METTL21A: variants seen among roughly 807,000 people sequenced by gnomAD.
METTL21A encodes protein N-lysine methyltransferase METTL21A.
Under a neutral mutation model 20.9 loss-of-function variants are expected in METTL21A, and 22 were observed. That is an observed-to-expected ratio of 1.05 (90% confidence interval 0.75 to 1.50). METTL21A has a LOEUF of 1.50. Among genes scored for constraint, METTL21A ranks in the 40% most tolerant of loss-of-function variants. METTL21A has a pLI of 0.00. For missense variants in METTL21A, 271 were observed against 266.8 expected (o/e 1.02, Z -0.11); for synonymous variants, 93 against 102.0 (o/e 0.91, Z 0.53).
intron 3 of METTL21A, 51 bp downstream of exon 3, chr2:207,621,755 T>C: frequency 6.8e-7 from 1 of 1,480,602 alleles, no homozygotes. Context: ...AAACAGCAAA[T>C]GCACCTCTCA....
chr2:207,616,838 C>G (rs1316448832), intron 3 of METTL21A, among the ~76,000 whole-genome samples: 1 of 152,182 alleles, frequency 6.6e-6, no homozygotes, highest in Non-Finnish European at 1.5e-5. Context: ...GCGAAACTCC[C>G]ATCTCAAAAG....
At chr2:207,621,999 C>T (rs575640264) in intron 2 of METTL21A, 82 bp from the exon 3 acceptor site, 1 of 1,157,042 alleles carries the variant, frequency 8.6e-7, no homozygotes, top group African/African-American at 1.5e-5. Context: ...CTACACCCAC[C>T]CCTCTCCCAC....
At chr2:207,582,026 G>A (rs2083026734) in exon 4 of METTL21A, 2 of 698,870 alleles carry the variant, frequency 2.9e-6, no homozygotes, top group Admixed American at 2.0e-5. Flanking sequence ...CATCACATCC[G>A]GGAGCACATA....
exon 4 of METTL21A, chr2:207,581,793 C>A: frequency 1.4e-6 from 1 of 692,676 alleles, no homozygotes; most frequent in Non-Finnish European, 2.6e-6. Context: ...TTTTTACTTA[C>A]ATAATCCAGT....
downstream of METTL21A, among the ~76,000 whole-genome samples, chr2:207,604,829 C>T (rs1045448254): frequency 2.6e-5 from 4 of 152,228 alleles, no homozygotes. Flanking sequence ...GAGACTCATA[C>T]ACTGTGTATT....
downstream of METTL21A, chr2:207,580,819 T>G (rs2082873735): frequency 9.0e-6 from 2 of 222,466 alleles, no homozygotes; most frequent in Non-Finnish European, 1.8e-5. Context: ...GTGGCTCTCC[T>G]TCATGTGCCC....
chr2:207,599,476 T>G (rs1025805532), intron 3 of METTL21A: 2 of 196,494 alleles, frequency 1.0e-5, no homozygotes, highest in Non-Finnish European at 2.1e-5. Flanking sequence ...TCTTAGTCCC[T>G]GATAAATCAA....
At chr2:207,597,115 C>G in intron 3 of METTL21A, 1 of 1,496,874 alleles carries the variant, frequency 6.7e-7, no homozygotes, top group Non-Finnish European at 8.9e-7. Flanking sequence ...TGGCCACAAC[C>G]TGAAAGACAA....
exon 4 of METTL21A, chr2:207,613,427 G>C (rs141776776): frequency 1.3e-6 from 2 of 1,595,952 alleles, no homozygotes; most frequent in African/African-American, 2.7e-5. Context: ...TTCGATCCGT[G>C]ATAGTCACAT....
chr2:207,599,739 GA>G (rs1342160327), intron 3 of METTL21A: 2 of 195,492 alleles, frequency 1.0e-5, no homozygotes, highest in African/African-American at 4.6e-5. Context: ...TTGTAAGCAT[GA>G]AACTTTGAGA....
intron 3 of METTL21A, chr2:207,597,426 A>C: frequency 4.1e-6 from 1 of 246,246 alleles, no homozygotes; most frequent in East Asian, 6.4e-5. Flanking sequence ...TGATTGCCTT[A>C]GGGACAGAAT....
intron 3 of METTL21A, chr2:207,603,076 ATTGGAG>A: frequency 9.5e-6 from 2 of 211,026 alleles, no homozygotes; most frequent in Non-Finnish European, 1.9e-5. Flanking sequence ...TGATGTTTCT[ATTGGAG>A]TTGAATACTA....
chr2:207,608,418 AT>A (rs11331224), downstream of METTL21A, among the ~76,000 whole-genome samples: 127,203 of 151,036 alleles, frequency 0.84, 53,720 homozygotes, highest in East Asian at 1. Flanking sequence ...ATTTCTGATG[AT>A]TTTTTTTTTT....
downstream of METTL21A, chr2:207,581,297 T>G (rs967440156): frequency 5.1e-6 from 1 of 197,054 alleles, no homozygotes; most frequent in Non-Finnish European, 1.0e-5. Context: ...CTAAAAAAAT[T>G]AAAATGTATT....
chr2:207,614,931 C>T (rs1233500650), intron 3 of METTL21A, among the ~76,000 whole-genome samples: 1 of 152,180 alleles, frequency 6.6e-6, no homozygotes, highest in Non-Finnish European at 1.5e-5. Flanking sequence ...AATCTTCCCA[C>T]AGGATTCCAG....
At chr2:207,613,038 A>G in exon 4 of METTL21A, 1 of 1,538,646 alleles carries the variant, frequency 6.5e-7, no homozygotes, top group Non-Finnish European at 8.7e-7. Context: ...CTTATAAATT[A>G]TAGCCAATTA....
intron 3 of METTL21A, chr2:207,603,553 A>C: frequency 4.5e-6 from 1 of 223,884 alleles, no homozygotes; most frequent in Non-Finnish European, 8.9e-6. Flanking sequence ...GTTGGAAGGC[A>C]GCAAAACTAA....
intron 3 of METTL21A, among the ~76,000 whole-genome samples, chr2:207,586,091 A>C (rs1407553177): frequency 6.6e-6 from 1 of 152,178 alleles, no homozygotes; most frequent in Non-Finnish European, 1.5e-5. Flanking sequence ...AGTCAAAAAC[A>C]AAGAAAAAAT....
At chr2:207,581,339 T>C (rs536017654), downstream of METTL21A, 25 of 199,208 alleles carry the variant, frequency 1.3e-4, no homozygotes, top group Admixed American at 9.1e-4. Flanking sequence ...CATTCAACTA[T>C]ATACAACTAG....
Sources: allele counts gnomAD v4.1 joint callset (sites outside exome capture counted in the v4.1 genomes callset), GRCh38; gene constraint gnomAD v4.1.1; transcripts MANE v1.5; gene names NCBI Gene and HGNC (gene_info 2026-07-23, HGNC 2026-07-21).